OLAH: variants seen among roughly 807,000 people sequenced by gnomAD.
The protein encoded by OLAH is oleoyl-ACP hydrolase.
OLAH carries 33 observed loss-of-function variants against 27.8 expected under a neutral mutation model. The ratio of observed to expected loss-of-function variants is 1.19; its 90% CI spans 0.90 to 1.59. The LOEUF (loss-of-function observed/expected upper bound fraction) is 1.59, where lower values mean the gene tolerates loss of function less well. Among genes scored for constraint, OLAH ranks in the 40% most tolerant of loss-of-function variants. The probability of loss-of-function intolerance (pLI) is 0.00; values close to 1 mark genes in which losing one functional copy is unlikely to be tolerated. For synonymous variants in OLAH, 120 were observed against 102.9 expected, an observed-to-expected ratio of 1.17 and a Z score of -1.01; for missense variants, 359 against 310.8, an observed-to-expected ratio of 1.16 and a Z score of -1.17.
At chr10:15,068,133 CA>C (rs374944405) in intron 6 of OLAH, 20 of 152,324 alleles carry the variant, frequency 1.3e-4, no homozygotes, top group African/African-American at 4.8e-4. Flanking sequence ...ATGAGCCTGT[CA>C]AAGAACTTCT....
chr10:15,049,463 C>G (rs993103675), intron 2 of OLAH, among the ~76,000 whole-genome samples, 172 bp from the exon 3 acceptor site: 8 of 152,148 alleles, frequency 5.3e-5, no homozygotes, highest in African/African-American at 1.9e-4. Context: ...ATTGTCAACA[C>G]AGACTGTAAA....
intron 6 of OLAH, chr10:15,071,389 G>A: frequency 5.8e-6 from 2 of 342,684 alleles, no homozygotes; most frequent in Non-Finnish European, 8.3e-6. Context: ...GTGCAGCACT[G>A]AGCCTCTGAC....
chr10:15,069,228 TG>T (rs1489867988), intron 6 of OLAH, among the ~76,000 whole-genome samples: 1 of 152,188 alleles, frequency 6.6e-6, no homozygotes, highest in African/African-American at 2.4e-5. Context: ...CTTCTATCTG[TG>T]GTTGCCTTGG....
At chr10:15,071,705 C>A in intron 6 of OLAH, 90 bp from the exon 7 acceptor site, 2 of 1,454,682 alleles carry the variant, frequency 1.4e-6, no homozygotes, top group Admixed American at 2.0e-5. Flanking sequence ...AGAAGTGAAC[C>A]CACCCCAAGT....
chr10:15,049,744 G>A lies in OLAH; in HGVS notation c.142G>A (p.Asp48Asn), dbSNP rs746825688. The A allele has an allele frequency of 6.2e-7, 1 of 1,605,512 alleles. No homozygotes were observed. Among genetic ancestry groups the A allele is most frequent in the East Asian group, 2.2e-5 (1 of 44,676 alleles). Residue 48 changes from aspartate (D) to asparagine (N), a missense_variant, in exon 3 of 8, where the codon GAT becomes AAT. By Grantham distance (23) the Asp-to-Asn change is conservative. Coordinates refer to ENST00000378228, the MANE Select transcript of OLAH (RefSeq NM_001039702.3). ...CACTCATTTTGCCAAATGGGGCCAA[G>A]ATACTCATGATTTGCTGGAAGGTAT... ...GSTHFAKWGQDTHDLLEVHSL... is the reference protein window; with the variant it reads ...GSTHFAKWGQNTHDLLEVHSL...
intron 5 of OLAH, among the ~76,000 whole-genome samples, chr10:15,064,950 C>G (rs1263442461): frequency 6.6e-6 from 1 of 152,228 alleles, no homozygotes; most frequent in South Asian, 2.1e-4. Flanking sequence ...AGCCAGCACA[C>G]CCAGCCTGCC....
At chr10:15,071,932 A>T in intron 7 of OLAH, 55 bp downstream of exon 7, 2 of 1,404,874 alleles carry the variant, frequency 1.4e-6, no homozygotes, top group Admixed American at 1.8e-5. Context: ...TGATGGCTTT[A>T]AAATTTTTTT....
chr10:15,055,033 T>C (rs1844220208), intron 3 of OLAH, among the ~76,000 whole-genome samples: 1 of 152,042 alleles, frequency 6.6e-6, no homozygotes, highest in African/African-American at 2.4e-5. Context: ...GGTGTGATCT[T>C]GGCTCACTGC....
rs745573485 is a variant in OLAH, at chr10:15,049,750, C to T, written c.148C>T (p.His50Tyr). ...TTTTGCCAAATGGGGCCAAGATACT[C>T]ATGATTTGCTGGAAGGTATGTTAAT... ...THFAKWGQDT[H>Y]DLLEVHSLRL... is the part of the protein sequence containing the mutation. Residue 50 changes from histidine to tyrosine, a missense_variant, in exon 3 of 8, where the codon CAT becomes TAT. His to Tyr is a moderately conservative substitution (Grantham distance 83, BLOSUM62 2). Transcript: ENST00000378228. The T allele has an allele frequency of 6.2e-7, 1 of 1,604,948 alleles. No homozygotes were observed. Among genetic ancestry groups the T allele is most frequent in the Admixed American group, 1.8e-5 (1 of 56,982 alleles).
chr10:15,040,675 T>C (rs2131330920), upstream of OLAH, among the ~76,000 whole-genome samples: 1 of 116,158 alleles, frequency 8.6e-6, no homozygotes, highest in Non-Finnish European at 1.9e-5. Context: ...CTACTCCTAT[T>C]CATTCATTTA....
intron 1 of OLAH, among the ~76,000 whole-genome samples, chr10:15,034,101 C>CGT (rs766869532): frequency 1.4e-5 from 2 of 139,374 alleles, no homozygotes; most frequent in Non-Finnish European, 3.1e-5. Flanking sequence ...CAGACTCCAC[C>CGT]ATTTTTTTTT....
chr10:15,065,879 T>C lies in OLAH; in HGVS notation c.572+126T>C, dbSNP rs1168360531. 7.6e-6 allele frequency: 6 copies of C among 786,772 alleles called. No individual in the cohort carries two copies. In the East Asian group the frequency reaches 1.1e-4, roughly 14 times the overall value. 48.7% of individuals were successfully genotyped at this position (786,772 alleles called of 1,614,324 possible). On this transcript the variant is annotated intron_variant, in intron 6 of 7. Coordinates refer to ENST00000378228, the MANE Select transcript of OLAH (RefSeq NM_001039702.3). ...TTCTAAGAGTTTGGTTTCATTTCCTTTGGGGCCACCTATGGTATGTATACT... is the reference window on the plus strand; with the variant it reads ...TTCTAAGAGTTTGGTTTCATTTCCTCTGGGGCCACCTATGGTATGTATACT...
At chr10:15,059,648 A>C (rs1844323767) in intron 3 of OLAH, among the ~76,000 whole-genome samples, 1 of 152,128 alleles carries the variant, frequency 6.6e-6, no homozygotes, top group Admixed American at 6.5e-5. Context: ...TCTACTAAAA[A>C]TACAAAAATT....
At chr10:15,072,238 T>A (rs763152959) in intron 7 of OLAH, among the ~76,000 whole-genome samples, 13 of 151,342 alleles carry the variant, frequency 8.6e-5, no homozygotes, top group Non-Finnish European at 1.9e-4. Flanking sequence ...GGCCAGCTTT[T>A]AAAATTTTTT....
intron 3 of OLAH, among the ~76,000 whole-genome samples, chr10:15,053,640 G>A (rs529980940): frequency 1.3e-5 from 2 of 152,160 alleles, no homozygotes; most frequent in East Asian, 3.9e-4. Context: ...CAGGGCACTT[G>A]ATCTCTCAAG....
intron 3 of OLAH, among the ~76,000 whole-genome samples, chr10:15,055,070 T>G (rs1427769867): frequency 1.3e-5 from 2 of 152,148 alleles, no homozygotes. Context: ...GTTCAAGTGA[T>G]TCTCATGTCT....
At chr10:15,066,793 A>C (rs1023631561) in intron 6 of OLAH, among the ~76,000 whole-genome samples, 1 of 152,050 alleles carries the variant, frequency 6.6e-6, no homozygotes, top group South Asian at 2.1e-4. Context: ...GGCACCCGCC[A>C]CCACACCCAG....
rs1176276078 is a variant in OLAH at position 15,073,446 on chromosome 10, G to A, written c.*217G>A. The A allele has an allele frequency of 1.2e-5, 5 of 427,264 alleles. No homozygotes were observed. In the South Asian group the frequency reaches 1.3e-4, roughly 11 times the overall value. The allele number at this position is 427,264 out of a possible 1,614,324, so 26.5% of individuals were successfully genotyped here. ...GAGGCCAAGGCGGGCGGATCACGAG[G>A]TCAGGAGATCGAGACCGTCCTGGCT... On this transcript the variant is annotated 3_prime_UTR_variant, in exon 8 of 8. Coordinates refer to ENST00000378228, the MANE Select transcript of OLAH (RefSeq NM_001039702.3).
rs376174023 is a variant in OLAH at position 15,052,151 on chromosome 10, T to C, written c.163+2386T>C. Among the ~76,000 whole-genome samples the C allele has an allele frequency of 4.6e-5, 7 of 152,160 alleles. No individual in the cohort carries two copies. In the East Asian group the frequency reaches 1.2e-3, roughly 25 times the overall value. ...ACAGAAAATTAACTGAGCGTAGTAG[T>C]GCACGCCTATAATCCCAGCTACTCG... On this transcript the variant is annotated intron_variant, in intron 3 of 7. Transcript: ENST00000378228.
Sources: gnomAD v4.1 joint callset for allele counts (sites outside exome capture counted in the v4.1 genomes callset) on GRCh38, gnomAD v4.1.1 for gene constraint, MANE v1.5 for transcripts, NCBI Gene and HGNC (gene_info 2026-07-23, HGNC 2026-07-21) for gene names.